Variants in STIMATE observed in about 807,000 individuals in gnomAD.
STIMATE encodes STIM activating enhancer, also known as store-operated calcium entry regulator STIMATE.
In STIMATE, 15 loss-of-function variants were observed where a neutral mutation model predicts 36.7. The observed-to-expected ratio is 0.41, with a 90% CI of 0.27 to 0.63. The LOEUF is 0.63. Among genes scored for constraint, STIMATE ranks in the 20% least tolerant of loss-of-function variants. STIMATE has a pLI of 0.32. For synonymous variants in STIMATE, 163 were observed against 162.3 expected (o/e 1.00, Z -0.03); for missense variants, 305 against 397.3 (o/e 0.77, Z 1.98).
intron 1 of STIMATE, among the ~76,000 whole-genome samples, chr3:52,865,498 G>C (rs1469958257): frequency 6.6e-6 from 1 of 152,162 alleles, no homozygotes; most frequent in Non-Finnish European, 1.5e-5. Context: ...AATCATGGTG[G>C]GAGGCAAAAG....
intron 1 of STIMATE, among the ~76,000 whole-genome samples, chr3:52,861,218 G>A (rs1701210604): frequency 6.6e-6 from 1 of 152,178 alleles, no homozygotes; most frequent in Non-Finnish European, 1.5e-5. Context: ...CAAGGCTGAT[G>A]GAGTGATTCC....
intron 1 of STIMATE, among the ~76,000 whole-genome samples, chr3:52,866,169 C>T (rs1021452846): frequency 4.6e-5 from 7 of 152,242 alleles, no homozygotes; most frequent in Admixed American, 2.6e-4. Context: ...TCTGTGGCGC[C>T]GCTCTCCACA....
intron 4 of STIMATE, chr3:52,848,416 C>T (rs1249705286): frequency 1.3e-5 from 2 of 152,256 alleles, no homozygotes; most frequent in African/African-American, 4.8e-5. Context: ...CAGCTGGTAG[C>T]GTTAATGCTT....
chr3:52,847,488 C>A, intron 4 of STIMATE: 2 of 1,289,668 alleles, frequency 1.6e-6, no homozygotes, highest in Non-Finnish European at 2.0e-6. Flanking sequence ...TCTCAACCGC[C>A]GGGGCTGTGT....
At chr3:52,856,795 C>T (rs779800673) in intron 1 of STIMATE, among the ~76,000 whole-genome samples, 1 of 152,186 alleles carries the variant, frequency 6.6e-6, no homozygotes, top group Non-Finnish European at 1.5e-5. Flanking sequence ...AGAACTTGCC[C>T]GATTTACGTC....
chr3:52,839,421 C>G lies in STIMATE; in HGVS notation c.*1073G>C, dbSNP rs558278515. On this transcript the variant is annotated 3_prime_UTR_variant, in exon 8 of 8. Coordinates refer to ENST00000355083, the MANE Select transcript of STIMATE (RefSeq NM_198563.5). ...CCACTTTAAACCGTGATTGGAGGCT[C>G]TGCAGACAGGCAGACTGCACAGGAG... 6.6e-6 allele frequency: 1 copy of G among 152,398 alleles called. No homozygotes were observed. The highest frequency in any genetic ancestry group is 2.1e-4 in the South Asian group (1 of 4,824). The allele number at this position is 152,398 out of a possible 1,614,324, so 9.4% of individuals were successfully genotyped here. A position where few individuals can be genotyped will look rare whatever the true frequency, so the allele number is the denominator to read the frequency against.
intron 7 of STIMATE, among the ~76,000 whole-genome samples, chr3:52,842,582 T>A (rs1335186491): frequency 6.6e-6 from 1 of 152,220 alleles, no homozygotes; most frequent in Non-Finnish European, 1.5e-5. Context: ...GCCACTCCCA[T>A]CTGCTCTGCC....
In STIMATE at chr3:52,840,236, C is replaced by T. The variant is rs373948404; in HGVS notation, c.*258G>A. On this transcript the variant is annotated 3_prime_UTR_variant, in exon 8 of 8. Coordinates refer to ENST00000355083, the MANE Select transcript of STIMATE (RefSeq NM_198563.5). ...GGACGACAACAAACAAACACAGCTCCTTCCTTGCATATTTGGTCAGTGTTT... is the reference window on the plus strand; with the variant it reads ...GGACGACAACAAACAAACACAGCTCTTTCCTTGCATATTTGGTCAGTGTTT... 1 of 324,664 alleles carries T rather than the reference C, an allele frequency of 3.1e-6. No individual in the cohort carries two copies. 20.1% of individuals were successfully genotyped at this position (324,664 alleles called of 1,614,324 possible).
At chr3:52,848,118 A>G (rs1171599730) in intron 4 of STIMATE, 3 of 152,860 alleles carry the variant, frequency 2.0e-5, no homozygotes, top group Middle Eastern at 3.4e-3. Context: ...AGTTTGTGGA[A>G]ATCTGTTACA....
intron 1 of STIMATE, among the ~76,000 whole-genome samples, chr3:52,863,476 A>T (rs546547100): frequency 6.6e-6 from 1 of 152,330 alleles, no homozygotes; most frequent in South Asian, 2.1e-4. Context: ...ACATGTGGGA[A>T]TTATGGGAGT....
At chr3:52,892,652 C>T (rs1351879416) in intron 1 of STIMATE, among the ~76,000 whole-genome samples, 23 of 152,168 alleles carry the variant, frequency 1.5e-4, no homozygotes, top group Admixed American at 1.5e-3. Context: ...GGGTGAAAGG[C>T]TACTGGGAAA....
chr3:52,885,869 A>T (rs1340028402), intron 1 of STIMATE, among the ~76,000 whole-genome samples: 2 of 152,172 alleles, frequency 1.3e-5, no homozygotes, highest in Non-Finnish European at 2.9e-5. Context: ...CTTTTCCCTT[A>T]GGCTCACTGT....
chr3:52,879,133 CT>C (rs1386391009), intron 1 of STIMATE, among the ~76,000 whole-genome samples: 1 of 152,192 alleles, frequency 6.6e-6, no homozygotes, highest in Non-Finnish European at 1.5e-5. Flanking sequence ...CACATAAGAC[CT>C]TTGCCCTAGC....
At chr3:52,891,248 G>A (rs536929897) in intron 1 of STIMATE, among the ~76,000 whole-genome samples, 2 of 152,256 alleles carry the variant, frequency 1.3e-5, no homozygotes, top group East Asian at 3.9e-4. Context: ...GGTGTCTGGG[G>A]TCCCAGGGAC....
At chr3:52,891,629 C>G (rs976595302) in intron 1 of STIMATE, among the ~76,000 whole-genome samples, 2 of 152,078 alleles carry the variant, frequency 1.3e-5, no homozygotes, top group East Asian at 1.9e-4. Flanking sequence ...GCATGCTAAT[C>G]TGGATTCACA....
intron 1 of STIMATE, among the ~76,000 whole-genome samples, chr3:52,883,919 C>T (rs528428083): frequency 1.3e-5 from 2 of 152,270 alleles, no homozygotes; most frequent in African/African-American, 4.8e-5. Flanking sequence ...CTTCTTCTGA[C>T]TGTAGGCCAC....
intron 4 of STIMATE, among the ~76,000 whole-genome samples, chr3:52,845,419 C>T (rs1700876660): frequency 6.6e-6 from 1 of 152,206 alleles, no homozygotes; most frequent in Non-Finnish European, 1.5e-5. Flanking sequence ...ACCTCCCCAC[C>T]TCCCATCCCT....
chr3:52,889,146 G>C (rs1701740906), intron 1 of STIMATE, among the ~76,000 whole-genome samples: 1 of 152,204 alleles, frequency 6.6e-6, no homozygotes, highest in African/African-American at 2.4e-5. Flanking sequence ...TAAGTCAGCG[G>C]AGAAGGCTTC....
At chr3:52,889,655 C>T (rs1386740344) in intron 1 of STIMATE, among the ~76,000 whole-genome samples, 1 of 152,184 alleles carries the variant, frequency 6.6e-6, no homozygotes, top group Admixed American at 6.5e-5. Context: ...GCACGTCTGT[C>T]CACATCACTG....
Sources: gnomAD v4.1 joint callset for allele counts (sites outside exome capture counted in the v4.1 genomes callset) on GRCh38, gnomAD v4.1.1 for gene constraint, MANE v1.5 for transcripts, NCBI Gene and HGNC (gene_info 2026-07-23, HGNC 2026-07-21) for gene names.